Variants in TAFA1 observed in about 807,000 individuals in gnomAD.
TAFA1 encodes chemokine-like protein TAFA-1.
Under a neutral mutation model 18.5 loss-of-function variants are expected in TAFA1, and 4 were observed. The ratio of observed to expected loss-of-function variants is 0.22; its 90% CI spans 0.11 to 0.49. The LOEUF (loss-of-function observed/expected upper bound fraction) is 0.49. Ranked by LOEUF, TAFA1 falls within the 20% of genes least tolerant of loss-of-function variation. TAFA1 has a pLI of 0.98. For missense variants in TAFA1, 147 were observed against 169.0 expected (o/e 0.87, Z 0.72); for synonymous variants, 56 against 55.2 (o/e 1.01, Z -0.06).
intron 2 of TAFA1, chr3:68,250,932 A>T (rs571793473): frequency 1.3e-5 from 2 of 152,284 alleles, no homozygotes; most frequent in South Asian, 4.1e-4. Flanking sequence ...AGTAATTTTT[A>T]AAATAACTAC....
At chr3:68,194,215 C>A (rs1227533234) in intron 2 of TAFA1, among the ~76,000 whole-genome samples, 1 of 151,700 alleles carries the variant, frequency 6.6e-6, no homozygotes, top group Admixed American at 6.6e-5. Context: ...TGCATACTGT[C>A]CCTCCACAGG....
At chr3:68,020,958 G>A (rs1223142086) in intron 2 of TAFA1, among the ~76,000 whole-genome samples, 2 of 151,898 alleles carry the variant, frequency 1.3e-5, no homozygotes, top group Admixed American at 1.3e-4. Flanking sequence ...GGCTGATGAG[G>A]GTGGATCACC....
At chr3:68,371,300 G>A (rs2069701997) in intron 2 of TAFA1, among the ~76,000 whole-genome samples, 1 of 152,024 alleles carries the variant, frequency 6.6e-6, no homozygotes, top group African/African-American at 2.4e-5. Context: ...GTGGTGGTTT[G>A]CTGCACCTGT....
chr3:68,022,497 TAAGACACAGGTCA>T (rs1477890900), intron 2 of TAFA1, among the ~76,000 whole-genome samples: 1 of 152,058 alleles, frequency 6.6e-6, no homozygotes, highest in East Asian at 1.9e-4. Context: ...GGGAAGGGTC[TAAGACACAGGTCA>T]AAGTTTCAGT....
At chr3:68,207,151 GC>G (rs1465083821) in intron 2 of TAFA1, among the ~76,000 whole-genome samples, 3 of 151,806 alleles carry the variant, frequency 2.0e-5, no homozygotes, top group Admixed American at 6.6e-5. Context: ...GTATTTTTCA[GC>G]CCTATATTAG....
intron 2 of TAFA1, among the ~76,000 whole-genome samples, chr3:68,260,967 G>C (rs185198169): frequency 6.6e-6 from 1 of 151,786 alleles, no homozygotes; most frequent in East Asian, 1.9e-4. Flanking sequence ...AGAAACTAAC[G>C]TCAGAGTGAA....
chr3:68,515,822 T>G (rs2072912331), intron 3 of TAFA1, among the ~76,000 whole-genome samples: 1 of 152,142 alleles, frequency 6.6e-6, no homozygotes, highest in Admixed American at 6.6e-5. Context: ...ACACTTAGGG[T>G]TTACTCAACA....
At chr3:68,084,945 A>C (rs534444358) in intron 2 of TAFA1, among the ~76,000 whole-genome samples, 1 of 152,164 alleles carries the variant, frequency 6.6e-6, no homozygotes, top group Admixed American at 6.5e-5. Flanking sequence ...CTTATGTTAG[A>C]GTCACTGCTG....
At chr3:68,525,707 A>G (rs1405839174) in intron 3 of TAFA1, among the ~76,000 whole-genome samples, 1 of 152,198 alleles carries the variant, frequency 6.6e-6, no homozygotes. Context: ...AGAGTGCTCT[A>G]TGATTAAGGA....
chr3:68,003,917 G>A (rs1329046408), upstream of TAFA1, among the ~76,000 whole-genome samples: 3 of 152,110 alleles, frequency 2.0e-5, no homozygotes, highest in Non-Finnish European at 2.9e-5. Context: ...GACAATATTT[G>A]TGGTTAATTT....
chr3:68,019,696 G>T (rs1046001233), intron 2 of TAFA1, among the ~76,000 whole-genome samples: 3 of 152,082 alleles, frequency 2.0e-5, no homozygotes, highest in Non-Finnish European at 4.4e-5. Context: ...CTAATAACAT[G>T]TTAGGTAGAA....
intron 2 of TAFA1, among the ~76,000 whole-genome samples, chr3:68,155,079 A>G (rs957354472): frequency 6.6e-6 from 1 of 152,196 alleles, no homozygotes; most frequent in Non-Finnish European, 1.5e-5. Context: ...AACCAATCCT[A>G]TGAGTTAAGT....
intron 3 of TAFA1, among the ~76,000 whole-genome samples, chr3:68,500,153 A>G (rs1189448440): frequency 6.6e-6 from 1 of 152,072 alleles, no homozygotes; most frequent in Non-Finnish European, 1.5e-5. Context: ...AATGGAGGAA[A>G]TCTGTCTCTT....
At chr3:68,438,985 G>T (rs752441199) in intron 3 of TAFA1, among the ~76,000 whole-genome samples, 3 of 152,056 alleles carry the variant, frequency 2.0e-5, no homozygotes, top group Non-Finnish European at 2.9e-5. Flanking sequence ...CTAGCCCCCT[G>T]GGCCTGTGAT....
chr3:68,131,035 T>A (rs1001847338), intron 2 of TAFA1, among the ~76,000 whole-genome samples: 2 of 152,170 alleles, frequency 1.3e-5, no homozygotes, highest in East Asian at 1.9e-4. Flanking sequence ...ATTTCATCCT[T>A]AGTAACTGGA....
At chr3:68,387,285 G>A (rs958866717) in intron 2 of TAFA1, among the ~76,000 whole-genome samples, 1 of 152,064 alleles carries the variant, frequency 6.6e-6, no homozygotes, top group African/African-American at 2.4e-5. Flanking sequence ...GACTCTAAAT[G>A]GCAGTCTATA....
intron 2 of TAFA1, among the ~76,000 whole-genome samples, chr3:68,253,349 C>G (rs886140039): frequency 6.6e-6 from 1 of 152,146 alleles, no homozygotes; most frequent in African/African-American, 2.4e-5. Flanking sequence ...TTTAATCTTG[C>G]TTCCCAGATG....
At chr3:68,061,105 T>G (rs1220721149) in intron 2 of TAFA1, among the ~76,000 whole-genome samples, 1 of 152,060 alleles carries the variant, frequency 6.6e-6, no homozygotes, top group Non-Finnish European at 1.5e-5. Context: ...CTAAACCGAG[T>G]GGACAGCAGC....
intron 2 of TAFA1, among the ~76,000 whole-genome samples, chr3:68,194,839 G>T (rs908187469): frequency 6.6e-6 from 1 of 151,682 alleles, no homozygotes; most frequent in Non-Finnish European, 1.5e-5. Flanking sequence ...GGTTTTGTTG[G>T]TAAAGTGTAT....
Sources: allele counts gnomAD v4.1 joint callset (sites outside exome capture counted in the v4.1 genomes callset), GRCh38; gene constraint gnomAD v4.1.1; transcripts MANE v1.5; gene names NCBI Gene and HGNC (gene_info 2026-07-23, HGNC 2026-07-21).